The following GRIA1 variants were observed in gnomAD, a reference collection of about 807,000 sequenced individuals.
The protein encoded by GRIA1 is glutamate receptor 1.
GRIA1 carries 31 observed loss-of-function variants against 99.2 expected under a neutral mutation model. The observed-to-expected ratio is 0.31, with a 90% CI of 0.23 to 0.42. GRIA1 has a LOEUF of 0.42. Ranked by LOEUF, GRIA1 falls within the 10% of genes least tolerant of loss-of-function variation. GRIA1 has a pLI of 1.00. For missense variants in GRIA1, 782 were observed against 1,157.5 expected (o/e 0.68, Z 4.71); for synonymous variants, 438 against 432.4 (o/e 1.01, Z -0.16).
intron 2 of GRIA1, among the ~76,000 whole-genome samples, chr5:153,583,314 C>T (rs1251840275): frequency 6.6e-6 from 1 of 152,126 alleles, no homozygotes; most frequent in Non-Finnish European, 1.5e-5. Flanking sequence ...CTTAAAACAA[C>T]AGAAACTCAT....
rs150899483 is a variant in GRIA1 at position 153,502,837 on chromosome 5, A to C, written c.220+8772A>C. Among the ~76,000 whole-genome samples the C allele has an allele frequency of 5.2e-3, 799 of 152,362 alleles. 7 individuals are homozygous for C. Among genetic ancestry groups the C allele is most frequent in the Non-Finnish European group, 8.1e-3 (554 of 68,034 alleles). ...TTTGAGAATAGCCTTTAGTCTGTCT[A>C]CAAAAGTAATATATACATTACAGAA... On this transcript the variant is annotated intron_variant, in intron 2 of 15. Coordinates refer to ENST00000285900, the MANE Select transcript of GRIA1 (RefSeq NM_000827.4).
chr5:153,764,650 C>G lies in GRIA1; in HGVS notation c.2022+18C>G, dbSNP rs996431748. On this transcript the variant is annotated intron_variant, in intron 12 of 15. Coordinates refer to ENST00000285900, the MANE Select transcript of GRIA1 (RefSeq NM_000827.4). ...TCTTCAGGGTAGGGACATCCTTTGTCCCAAGACACTTTCACAAAAGGGAAC... is the reference window on the plus strand; with the variant it reads ...TCTTCAGGGTAGGGACATCCTTTGTGCCAAGACACTTTCACAAAAGGGAAC... The G allele has an allele frequency of 6.3e-7, 1 of 1,580,716 alleles. No homozygotes were observed. Among genetic ancestry groups the G allele is most frequent in the Non-Finnish European group, 8.7e-7 (1 of 1,149,942 alleles).
chr5:153,534,389 C>T lies in GRIA1; in HGVS notation c.220+40324C>T, dbSNP rs149086371. ...CTGGATCTATTGGCAGATACTAGGG[C>T]CAAAAAGTCCTTAGAAACTCAACCT... On this transcript the variant is annotated intron_variant, in intron 2 of 15. Coordinates refer to ENST00000285900, the MANE Select transcript of GRIA1 (RefSeq NM_000827.4). Among the ~76,000 whole-genome samples the T allele has an allele frequency of 4.0e-3, 615 of 152,112 alleles. 5 individuals are homozygous for T. The highest frequency in any genetic ancestry group is 0.014 in the African/African-American group (594 of 41,486).
chr5:153,604,327 T>C (rs11742223), intron 2 of GRIA1, among the ~76,000 whole-genome samples: 11,405 of 152,244 alleles, frequency 0.075, 569 homozygotes, highest in Non-Finnish European at 0.11. Flanking sequence ...GGTTACAAAA[T>C]CATAGTTCAT....
chr5:153,667,115 G>A (rs1755804847), intron 5 of GRIA1, among the ~76,000 whole-genome samples: 1 of 152,196 alleles, frequency 6.6e-6, no homozygotes, highest in Admixed American at 6.5e-5. Context: ...TGTTCAACCT[G>A]TGCCATTCAG....
chr5:153,710,984 G>A (rs553284125), intron 11 of GRIA1, among the ~76,000 whole-genome samples: 13 of 152,266 alleles, frequency 8.5e-5, no homozygotes, highest in South Asian at 4.1e-4. Context: ...AAAGCTAAGA[G>A]ACATAAATAG....
Position 153,658,366 on chromosome 5 carries a change from A to T in GRIA1, c.699+2494A>T, listed in dbSNP as rs189536575. ...TCTGTTGCCAAGTAACCCCTCAGTC[A>T]CAGCATCACCAAGTCAGCCTCTTGG... On this transcript the variant is annotated intron_variant, in intron 5 of 15. Coordinates refer to ENST00000285900, the MANE Select transcript of GRIA1 (RefSeq NM_000827.4). Among the ~76,000 whole-genome samples the T allele has an allele frequency of 3.0e-3, 454 of 152,258 alleles. 3 individuals are homozygous for T. The highest frequency in any genetic ancestry group is 3.1e-3 in the Non-Finnish European group (212 of 68,024).
Position 153,811,859 on chromosome 5 carries a change from T to G in GRIA1, c.*634T>G. On this transcript the variant is annotated 3_prime_UTR_variant, in exon 16 of 16. Coordinates refer to ENST00000285900, the MANE Select transcript of GRIA1 (RefSeq NM_000827.4). ...GGAGAAGTGGGCTGCCTTCCCCAAGTGGGGCACTGCTTAAGCACTTATTCA... is the reference window on the plus strand; with the variant it reads ...GGAGAAGTGGGCTGCCTTCCCCAAGGGGGGCACTGCTTAAGCACTTATTCA... 6.5e-6 allele frequency: 1 copy of G among 153,346 alleles called. No individual in the cohort carries two copies. Among genetic ancestry groups the G allele is most frequent in the Middle Eastern group, 3.4e-3 (1 of 294 alleles). 9.5% of individuals were successfully genotyped at this position (153,346 alleles called of 1,614,324 possible). A position where few individuals can be genotyped will look rare whatever the true frequency, so the allele number is the denominator to read the frequency against.
chr5:153,767,926 T>C (rs1763626996), intron 12 of GRIA1, among the ~76,000 whole-genome samples: 1 of 152,172 alleles, frequency 6.6e-6, no homozygotes, highest in South Asian at 2.1e-4. Flanking sequence ...TGCACAGCCT[T>C]AACATTTGGG....
chr5:153,667,837 T>C (rs1401667707), intron 5 of GRIA1, among the ~76,000 whole-genome samples: 1 of 152,242 alleles, frequency 6.6e-6, no homozygotes, highest in Non-Finnish European at 1.5e-5. Context: ...TCCAATGTAG[T>C]TGTAGTGTTA....
chr5:153,616,501 A>G (rs1367032961), intron 2 of GRIA1, among the ~76,000 whole-genome samples: 2 of 152,162 alleles, frequency 1.3e-5, no homozygotes, highest in Non-Finnish European at 2.9e-5. Context: ...AAAATCTCAT[A>G]ATGTTTTAAG....
At chr5:153,625,345 T>C (rs1249700404) in intron 2 of GRIA1, among the ~76,000 whole-genome samples, 1 of 152,206 alleles carries the variant, frequency 6.6e-6, no homozygotes, top group Non-Finnish European at 1.5e-5. Context: ...AGCATCCATT[T>C]AGGATAGGTT....
At chr5:153,768,221 G>A (rs529656157) in intron 12 of GRIA1, among the ~76,000 whole-genome samples, 1 of 152,212 alleles carries the variant, frequency 6.6e-6, no homozygotes, top group African/African-American at 2.4e-5. Context: ...CCCTAACCTT[G>A]GAATCCTCCC....
intron 2 of GRIA1, among the ~76,000 whole-genome samples, chr5:153,638,601 T>C (rs1753560598): frequency 6.6e-6 from 1 of 152,206 alleles, no homozygotes; most frequent in South Asian, 2.1e-4. Flanking sequence ...GCTGGAGCAA[T>C]GGTGAGACCC....
At chr5:153,611,668 A>T (rs1439915890) in intron 2 of GRIA1, among the ~76,000 whole-genome samples, 4 of 152,216 alleles carry the variant, frequency 2.6e-5, no homozygotes, top group African/African-American at 9.6e-5. Flanking sequence ...GCAGCTTTTT[A>T]AAAAATTATA....
intron 2 of GRIA1, among the ~76,000 whole-genome samples, chr5:153,534,281 C>T (rs1340272804): frequency 6.6e-6 from 1 of 152,140 alleles, no homozygotes; most frequent in Non-Finnish European, 1.5e-5. Flanking sequence ...GTTACTTTCC[C>T]TCAGTATTTG....
chr5:153,693,131 C>T (rs1054687914), intron 8 of GRIA1, among the ~76,000 whole-genome samples: 1 of 152,114 alleles, frequency 6.6e-6, no homozygotes, highest in South Asian at 2.1e-4. Flanking sequence ...GGCTCATGGA[C>T]CCTCCACTGT....
At chr5:153,572,164 T>G (rs2149363808) in intron 2 of GRIA1, among the ~76,000 whole-genome samples, 1 of 152,330 alleles carries the variant, frequency 6.6e-6, no homozygotes, top group South Asian at 2.1e-4. Context: ...CAAGTATCTC[T>G]GTCACACACT....
intron 12 of GRIA1, among the ~76,000 whole-genome samples, chr5:153,769,036 C>T (rs1018494743): frequency 1.3e-5 from 2 of 152,148 alleles, no homozygotes; most frequent in African/African-American, 2.4e-5. Flanking sequence ...GACCCTGTGA[C>T]GGACCCACAG....
Sources: gnomAD v4.1 joint callset for allele counts (sites outside exome capture counted in the v4.1 genomes callset) on GRCh38, gnomAD v4.1.1 for gene constraint, MANE v1.5 for transcripts, NCBI Gene and HGNC (gene_info 2026-07-23, HGNC 2026-07-21) for gene names.